The following SCUBE1 variants were observed in gnomAD, a reference collection of about 807,000 sequenced individuals.
SCUBE1 encodes the protein signal peptide, CUB and EGF-like domain-containing protein 1.
Under a neutral mutation model 124.4 loss-of-function variants are expected in SCUBE1, and 59 were observed. The ratio of observed to expected loss-of-function variants is 0.47; its 90% confidence interval spans 0.38 to 0.59. SCUBE1 has a LOEUF of 0.59. Among genes scored for constraint, SCUBE1 ranks in the 20% least tolerant of loss-of-function variants. The pLI is 0.00. For missense variants in SCUBE1, 1,150 were observed against 1,371.2 expected, an observed-to-expected ratio of 0.84 and a Z score of 2.55; for synonymous variants, 545 against 550.9, an observed-to-expected ratio of 0.99 and a Z score of 0.15.
At chr22:43,295,711 G>A (rs1290642867) in intron 3 of SCUBE1, among the ~76,000 whole-genome samples, 1 of 152,200 alleles carries the variant, frequency 6.6e-6, no homozygotes, top group Non-Finnish European at 1.5e-5. Flanking sequence ...TCCCCTCCTT[G>A]TCCAGACCGA....
At chr22:43,233,087 G>A (rs1468792571) in intron 7 of SCUBE1, among the ~76,000 whole-genome samples, 4 of 152,186 alleles carry the variant, frequency 2.6e-5, no homozygotes, top group African/African-American at 2.4e-5. Context: ...AGTGCTGGCC[G>A]GGCACGGTGG....
intron 6 of SCUBE1, among the ~76,000 whole-genome samples, chr22:43,248,638 C>T (rs1923313950): frequency 6.6e-6 from 1 of 152,242 alleles, no homozygotes; most frequent in Admixed American, 6.5e-5. Context: ...GGAGCCCAGT[C>T]CCTGGAGCTC....
intron 21 of SCUBE1, 93 bp downstream of exon 21, chr22:43,207,441 C>T: frequency 1.0e-6 from 1 of 992,688 alleles, no homozygotes; most frequent in Non-Finnish European, 1.6e-6. Flanking sequence ...TCCCTTGCTC[C>T]TCCAGGGGCC....
chr22:43,313,211 G>T (rs778575315), intron 3 of SCUBE1, among the ~76,000 whole-genome samples: 1 of 152,142 alleles, frequency 6.6e-6, no homozygotes, highest in Non-Finnish European at 1.5e-5. Flanking sequence ...GCATAGGGTT[G>T]GTGCTCAATA....
intron 3 of SCUBE1, among the ~76,000 whole-genome samples, chr22:43,305,425 G>A (rs554103494): frequency 3.2e-4 from 49 of 152,278 alleles, no homozygotes; most frequent in Non-Finnish European, 5.9e-4. Context: ...CAGAATGCAG[G>A]GAGCAGGTCC....
rs1923733882 is a variant in SCUBE1 at position 43,258,161 on chromosome 22, C to T, written c.727+58G>A. ...AGGGTGCTGGCCCTGCTGGTGCACGCATGGGGGGTCGGGGGCGGGGGGCGC... is the reference window on the plus strand; with the variant it reads ...AGGGTGCTGGCCCTGCTGGTGCACGTATGGGGGGTCGGGGGCGGGGGGCGC... On this transcript the variant is annotated intron_variant, in intron 6 of 21. Coordinates refer to ENST00000360835, the MANE Select transcript of SCUBE1 (RefSeq NM_173050.5). This position sits in a 1 kb window ranked among gnomAD's most constrained non-coding sequence, Gnocchi z 5.0. 1.7e-6 allele frequency: 2 copies of T among 1,167,678 alleles called. No individual in the cohort carries two copies. The highest frequency in any genetic ancestry group is 4.7e-5 in the East Asian group (2 of 42,662). The allele number at this position is 1,167,678 out of a possible 1,614,324, so 72.3% of individuals were successfully genotyped here. A position where few individuals can be genotyped will look rare whatever the true frequency, so the allele number is the denominator to read the frequency against.
At chr22:43,335,631 A>G (rs945401706) in intron 2 of SCUBE1, among the ~76,000 whole-genome samples, 12 of 152,200 alleles carry the variant, frequency 7.9e-5, no homozygotes, top group African/African-American at 2.7e-4. Context: ...ACTATGTTGC[A>G]CCATAACTAT....
intron 6 of SCUBE1, among the ~76,000 whole-genome samples, chr22:43,244,684 G>C (rs1308212597): frequency 1.3e-5 from 2 of 152,220 alleles, no homozygotes; most frequent in East Asian, 3.9e-4. Flanking sequence ...GGGGACTGTG[G>C]GCAAAGGACC....
chr22:43,218,006 C>T (rs1921911358), intron 15 of SCUBE1, among the ~76,000 whole-genome samples: 1 of 147,288 alleles, frequency 6.8e-6, no homozygotes, highest in African/African-American at 2.6e-5. Flanking sequence ...CGACTGTGGC[C>T]TTGCTGTCCT....
At chr22:43,266,806 C>A (rs1006099813) in intron 4 of SCUBE1, among the ~76,000 whole-genome samples, 2 of 152,134 alleles carry the variant, frequency 1.3e-5, no homozygotes, top group Non-Finnish European at 2.9e-5. Context: ...AAGAGCCCAG[C>A]GAAATCCAAG....
chr22:43,260,619 G>A (rs1923836832), intron 5 of SCUBE1, among the ~76,000 whole-genome samples: 1 of 152,270 alleles, frequency 6.6e-6, no homozygotes, highest in South Asian at 2.1e-4. Context: ...TAACCTCACA[G>A]AAGCAGCCAA....
intron 3 of SCUBE1, among the ~76,000 whole-genome samples, chr22:43,299,836 T>C (rs1925700860): frequency 6.6e-6 from 1 of 152,336 alleles, no homozygotes; most frequent in Admixed American, 6.5e-5. Context: ...TTTCCATCTA[T>C]GGTTTGCCCA....
chr22:43,287,320 T>TGCTG (rs1241730141), intron 4 of SCUBE1, among the ~76,000 whole-genome samples: 2 of 152,164 alleles, frequency 1.3e-5, no homozygotes, highest in Non-Finnish European at 2.9e-5. Context: ...CTAGGACAGG[T>TGCTG]GCTGCCCTTG....
chr22:43,203,777 G>A lies in SCUBE1; in HGVS notation c.*220C>T. On this transcript the variant is annotated 3_prime_UTR_variant, in exon 22 of 22. Coordinates refer to ENST00000360835, the MANE Select transcript of SCUBE1 (RefSeq NM_173050.5). ...CGCTCTTGGTGTCCTGGGGAAGGGA[G>A]GCAGAGGGAGGGAGGGAGGCTTCCT... The A allele has an allele frequency of 1.8e-6, 1 of 546,214 alleles. No individual in the cohort carries two copies. Among genetic ancestry groups the A allele is most frequent in the South Asian group, 2.2e-5 (1 of 45,446 alleles). 33.8% of individuals were successfully genotyped at this position (546,214 alleles called of 1,614,324 possible).
At chr22:43,328,060 C>T (rs1255501034) in intron 2 of SCUBE1, among the ~76,000 whole-genome samples, 1 of 152,170 alleles carries the variant, frequency 6.6e-6, no homozygotes, top group Non-Finnish European at 1.5e-5. Flanking sequence ...ACCTCAAATG[C>T]CACCTGCCCA....
At chr22:43,320,163 G>A in intron 2 of SCUBE1, 98 bp from the exon 3 acceptor site, 1 of 1,435,726 alleles carries the variant, frequency 7.0e-7, no homozygotes, top group Non-Finnish European at 9.7e-7. Flanking sequence ...ATTAGGGGAT[G>A]ATTCAACAAG....
In SCUBE1 at chr22:43,209,416, G is replaced by A. The variant is rs537723288; in HGVS notation, c.2581+627C>T. On this transcript the variant is annotated intron_variant, in intron 19 of 21. Transcript: ENST00000360835. ...TGGCTGGTGCTCGGGTGGCTCAGGG[G>A]CCTCCCAGGCATTCCTGCTGCTGTG... Among the ~76,000 whole-genome samples the A allele has an allele frequency of 1.2e-4, 18 of 152,326 alleles. No individual in the cohort carries two copies. The East Asian group carries it at 3.5e-3, about 29-fold the overall frequency.
intron 2 of SCUBE1, among the ~76,000 whole-genome samples, chr22:43,335,976 ATGG>A (rs1486192645): frequency 2.6e-5 from 4 of 151,802 alleles, no homozygotes; most frequent in Non-Finnish European, 4.4e-5. Context: ...GATGATGATG[ATGG>A]TGATGATGAT....
chr22:43,229,588 G>C (rs367894646), intron 8 of SCUBE1, among the ~76,000 whole-genome samples: 12 of 152,110 alleles, frequency 7.9e-5, no homozygotes, highest in African/African-American at 2.9e-4. Flanking sequence ...AGCTGACTTG[G>C]GACATAAACC....
Sources: gnomAD v4.1 joint callset for allele counts (sites outside exome capture counted in the v4.1 genomes callset) on GRCh38, gnomAD v4.1.1 for gene constraint, Gnocchi (gnomAD v3.1) non-coding constraint, MANE v1.5 for transcripts, NCBI Gene and HGNC (gene_info 2026-07-23, HGNC 2026-07-21) for gene names.